The following FOXJ3 variants were observed in gnomAD, a reference collection of about 807,000 sequenced individuals.
The protein encoded by FOXJ3 is forkhead box J3.
A neutral mutation model predicts 76.1 loss-of-function variants in FOXJ3; 22 were observed. The observed-to-expected ratio is 0.29, with a 90% CI of 0.21 to 0.41. The LOEUF is 0.41. Among genes scored for constraint, FOXJ3 ranks in the 10% least tolerant of loss-of-function variants. The pLI is 1.00. For synonymous variants in FOXJ3, 269 were observed against 261.2 expected (o/e 1.03, Z -0.29); for missense variants, 613 against 762.1 (o/e 0.80, Z 2.30).
intron 2 of FOXJ3, among the ~76,000 whole-genome samples, chr1:42,292,326 C>T (rs918410902): frequency 6.6e-6 from 1 of 152,204 alleles, no homozygotes; most frequent in Non-Finnish European, 1.5e-5. Flanking sequence ...TTAAGGACAA[C>T]GGCTTGGCAG....
At chr1:42,214,455 T>C (rs1250599988) in intron 5 of FOXJ3, among the ~76,000 whole-genome samples, 1 of 152,132 alleles carries the variant, frequency 6.6e-6, no homozygotes, top group Non-Finnish European at 1.5e-5. Flanking sequence ...GTGGCACCAG[T>C]TAGCTCAAGA....
intron 2 of FOXJ3, among the ~76,000 whole-genome samples, chr1:42,309,616 G>A (rs890184525): frequency 6.6e-6 from 1 of 152,004 alleles, no homozygotes; most frequent in Admixed American, 6.6e-5. Flanking sequence ...TACATGTTAT[G>A]CTCATTGCTA....
At chr1:42,288,539 GTCT>G (rs2124698646) in intron 2 of FOXJ3, among the ~76,000 whole-genome samples, 1 of 152,262 alleles carries the variant, frequency 6.6e-6, no homozygotes, top group Non-Finnish European at 1.5e-5. Flanking sequence ...ATCCTGTCTT[GTCT>G]TTTAGTGTTA....
At chr1:42,334,270 G>C (rs1011674100) in intron 1 of FOXJ3, 3 of 203,150 alleles carry the variant, frequency 1.5e-5, no homozygotes, top group Non-Finnish European at 2.6e-5. Context: ...CTCAATTTCA[G>C]AGTACAACTC....
At chr1:42,217,684 T>C (rs72952339) in intron 5 of FOXJ3, among the ~76,000 whole-genome samples, 3,201 of 152,296 alleles carry the variant, frequency 0.021, 105 homozygotes, top group African/African-American at 0.073. Flanking sequence ...TTTTATGGAT[T>C]AGAATATTCA....
chr1:42,292,985 C>T (rs1368886457), intron 2 of FOXJ3, among the ~76,000 whole-genome samples: 1 of 152,002 alleles, frequency 6.6e-6, no homozygotes, highest in African/African-American at 2.4e-5. Context: ...CCTGTAGTCC[C>T]AGCTACTCAG....
chr1:42,212,823 A>T (rs1646989126), intron 5 of FOXJ3, among the ~76,000 whole-genome samples: 1 of 152,070 alleles, frequency 6.6e-6, no homozygotes, highest in Admixed American at 6.5e-5. Flanking sequence ...AGACAAAAGC[A>T]TCAGGTAACC....
intron 8 of FOXJ3, among the ~76,000 whole-genome samples, chr1:42,194,027 T>C (rs1024633069): frequency 6.6e-6 from 1 of 152,232 alleles, no homozygotes; most frequent in East Asian, 1.9e-4. Context: ...CCATATCTGC[T>C]GGTTCCTTGA....
At position 42,300,529 on chromosome 1, in the gene FOXJ3, A is replaced by G. The variant is rs1014291750; in HGVS notation, c.44+10521T>C. ...GGTGGCTCACACCTGTAATCCCAGT[A>G]TGTTGAGAGGCCAAGGCGGGTGGAT... On this transcript the variant is annotated intron_variant, in intron 2 of 12. Transcript: ENST00000361346. Among the ~76,000 whole-genome samples the G allele has an allele frequency of 1.3e-4, 20 of 152,310 alleles. 1 individual carries two copies. The highest frequency in any genetic ancestry group is 6.8e-3 in the Middle Eastern group (2 of 294).
chr1:42,265,582 G>A (rs1451751187), intron 3 of FOXJ3, among the ~76,000 whole-genome samples: 1 of 152,088 alleles, frequency 6.6e-6, no homozygotes, highest in East Asian at 1.9e-4. Context: ...AAATAAGCCA[G>A]AATGCAAAAT....
chr1:42,246,029 T>C (rs1649525780), intron 4 of FOXJ3, among the ~76,000 whole-genome samples: 1 of 152,070 alleles, frequency 6.6e-6, no homozygotes, highest in Non-Finnish European at 1.5e-5. Flanking sequence ...ATTAAAGACC[T>C]AAATGAAAGA....
intron 5 of FOXJ3, among the ~76,000 whole-genome samples, chr1:42,212,972 C>CAAAAAAAAAAAAAAAAAAAA: frequency 8.1e-6 from 1 of 122,992 alleles, no homozygotes; most frequent in Non-Finnish European, 1.6e-5. Context: ...AAAAAAAAAA[C>CAAAAAAAAAAAAAAAAAAAA]AAAAAAAAAA....
intron 4 of FOXJ3, among the ~76,000 whole-genome samples, chr1:42,259,353 A>C (rs955896589): frequency 6.6e-6 from 1 of 152,192 alleles, no homozygotes; most frequent in African/African-American, 2.4e-5. Flanking sequence ...CACACCAAAG[A>C]GTAAATTTCA....
intron 2 of FOXJ3, among the ~76,000 whole-genome samples, chr1:42,307,100 T>C (rs143233457): frequency 6.6e-6 from 1 of 152,282 alleles, no homozygotes; most frequent in East Asian, 1.9e-4. Flanking sequence ...AAGACTATCT[T>C]CCTATCTAAT....
chr1:42,285,092 G>A (rs907147251), intron 2 of FOXJ3, among the ~76,000 whole-genome samples: 1 of 152,020 alleles, frequency 6.6e-6, no homozygotes, highest in African/African-American at 2.4e-5. Flanking sequence ...TCAATCTTTT[G>A]TATTTTATGA....
intron 4 of FOXJ3, among the ~76,000 whole-genome samples, chr1:42,237,345 A>G (rs1648729256): frequency 6.6e-6 from 1 of 150,928 alleles, no homozygotes; most frequent in Admixed American, 6.6e-5. Context: ...ACTGCACTCC[A>G]GCCTGGGCAA....
intron 11 of FOXJ3, among the ~76,000 whole-genome samples, chr1:42,183,253 CAAAAG>C (rs1448073224): frequency 3.6e-5 from 5 of 137,602 alleles, no homozygotes; most frequent in Non-Finnish European, 6.2e-5. Context: ...GAGACCCTGT[CAAAAG>C]AGAAGAGAGA....
chr1:42,276,692 ATAT>A (rs1227263842), intron 3 of FOXJ3, among the ~76,000 whole-genome samples: 4 of 152,234 alleles, frequency 2.6e-5, no homozygotes, highest in South Asian at 2.1e-4. Flanking sequence ...CCCCCAAAAC[ATAT>A]TATTATTTAC....
chr1:42,236,931 T>A (rs879495908), intron 4 of FOXJ3, among the ~76,000 whole-genome samples: 1 of 152,226 alleles, frequency 6.6e-6, no homozygotes, highest in African/African-American at 2.4e-5. Flanking sequence ...TGTACTTATT[T>A]GCCACCCATA....
Sources: gnomAD v4.1 joint callset for allele counts (sites outside exome capture counted in the v4.1 genomes callset) on GRCh38, gnomAD v4.1.1 for gene constraint, MANE v1.5 for transcripts, NCBI Gene and HGNC (gene_info 2026-07-23, HGNC 2026-07-21) for gene names.